Variants in SNX4 observed in about 807,000 individuals in gnomAD.
The protein encoded by SNX4 is sorting nexin 4.
Under a neutral mutation model 70.8 loss-of-function variants are expected in SNX4, and 49 were observed. The ratio of observed to expected loss-of-function variants is 0.69; its 90% confidence interval spans 0.55 to 0.88. The LOEUF is 0.88. Ranked by LOEUF, SNX4 falls within the 40% of genes least tolerant of loss-of-function variation. The pLI, the probability that SNX4 is intolerant of heterozygous loss-of-function variation, is 0.00. For synonymous variants in SNX4, 206 were observed against 183.8 expected, an observed-to-expected ratio of 1.12 and a Z score of -0.98; for missense variants, 528 against 544.8, an observed-to-expected ratio of 0.97 and a Z score of 0.31.
chr3:125,494,369 G>C (rs1189759270), intron 5 of SNX4, among the ~76,000 whole-genome samples: 1 of 152,048 alleles, frequency 6.6e-6, no homozygotes, highest in African/African-American at 2.4e-5. Flanking sequence ...GTAATTATGT[G>C]ACCTTGGCTA....
At chr3:125,458,633 G>A (rs1343664420) in intron 10 of SNX4, among the ~76,000 whole-genome samples, 1 of 150,326 alleles carries the variant, frequency 6.7e-6, no homozygotes, top group Non-Finnish European at 1.5e-5. Context: ...TGGCTAACAC[G>A]GTGAAACCCC....
Position 125,491,340 on chromosome 3 carries a change from A to G in SNX4, c.598-1877T>C, listed in dbSNP as rs1016399706. The stretch of plus-strand genomic sequence containing the variant: ...TGACTTCAGTCACATGCAAAATGTG[A>G]TTCTTTAAATGAGGATGAAACTACA... On this transcript the variant is annotated intron_variant, in intron 5 of 13. Coordinates refer to ENST00000251775, the MANE Select transcript of SNX4 (RefSeq NM_003794.4). 1.4e-4 allele frequency among the ~76,000 whole-genome samples: 21 copies of G among 152,356 alleles called. No individual in the cohort carries two copies. In the Middle Eastern group the frequency reaches 0.01, roughly 74 times the overall value.
At chr3:125,495,250 T>TTTTTTATATATATATATATATATATATA (rs869243473) in intron 5 of SNX4, among the ~76,000 whole-genome samples, 7 of 38,164 alleles carry the variant, frequency 1.8e-4, no homozygotes, top group Non-Finnish European at 3.7e-4. Flanking sequence ...CATTCTCTCT[T>TTTTTTATATATATATATATATATATATA]TATATATATA....
chr3:125,478,047 C>CTT (rs1553726341), intron 7 of SNX4, among the ~76,000 whole-genome samples: 2 of 147,712 alleles, frequency 1.4e-5, no homozygotes, highest in Middle Eastern at 3.5e-3. Context: ...TCCTCCTCCT[C>CTT]CTTCTTCTTC....
At chr3:125,458,645 T>A (rs1327430931) in intron 10 of SNX4, among the ~76,000 whole-genome samples, 1 of 148,294 alleles carries the variant, frequency 6.7e-6, no homozygotes, top group Non-Finnish European at 1.5e-5. Context: ...TGAAACCCCG[T>A]CTCTACTAAA....
At chr3:125,519,784 A>G in intron 1 of SNX4, among the ~76,000 whole-genome samples, 1 of 150,710 alleles carries the variant, frequency 6.6e-6, no homozygotes, top group Admixed American at 6.6e-5. Context: ...TCCCCTTCGC[A>G]GTCTCGACAC....
intron 1 of SNX4, among the ~76,000 whole-genome samples, chr3:125,518,961 C>G (rs994072547): frequency 1.3e-5 from 2 of 151,646 alleles, no homozygotes; most frequent in African/African-American, 4.8e-5. Context: ...TGCAGTGAGC[C>G]GAGATCGTGC....
At chr3:125,495,261 T>TAC (rs1934761225) in intron 5 of SNX4, among the ~76,000 whole-genome samples, 1 of 63,016 alleles carries the variant, frequency 1.6e-5, no homozygotes, top group Non-Finnish European at 3.3e-5. Context: ...TATATATATA[T>TAC]ATATATATAT....
intron 9 of SNX4, among the ~76,000 whole-genome samples, chr3:125,464,564 C>CTTTTTTTTTTTTTTTTT (rs778518316): frequency 1.5e-5 from 1 of 67,054 alleles, no homozygotes; most frequent in Non-Finnish European, 2.6e-5. Flanking sequence ...ATTTATCTTT[C>CTTTTTTTTTTTTTTTTT]TTTTTTTTTT....
intron 4 of SNX4, 102 bp downstream of exon 4, chr3:125,497,732 A>G: frequency 1.3e-6 from 1 of 780,522 alleles, no homozygotes; most frequent in South Asian, 2.2e-5. Context: ...AATAAATTGC[A>G]TATAAATTAA....
chr3:125,514,634 C>T (rs1370634041), intron 1 of SNX4, among the ~76,000 whole-genome samples: 3 of 152,138 alleles, frequency 2.0e-5, no homozygotes, highest in East Asian at 1.9e-4. Context: ...TCAGGTGATC[C>T]GCCTGCCTCA....
At chr3:125,512,406 A>T (rs999783319) in intron 1 of SNX4, among the ~76,000 whole-genome samples, 1 of 152,212 alleles carries the variant, frequency 6.6e-6, no homozygotes, top group Non-Finnish European at 1.5e-5. Context: ...AGGAAAAAAG[A>T]TAAAAGCATA....
At chr3:125,508,411 C>A (rs1396978437) in intron 1 of SNX4, among the ~76,000 whole-genome samples, 1 of 151,900 alleles carries the variant, frequency 6.6e-6, no homozygotes, top group Non-Finnish European at 1.5e-5. Context: ...ACTAAAAATA[C>A]ACAAAATTAG....
intron 6 of SNX4, among the ~76,000 whole-genome samples, chr3:125,483,384 G>C (rs4679172): frequency 0.31 from 47,639 of 151,842 alleles, 7,635 homozygotes; most frequent in Admixed American, 0.36. Context: ...CTCCAGAACT[G>C]ATTAGGTCCC....
intron 1 of SNX4, among the ~76,000 whole-genome samples, chr3:125,510,052 G>A (rs997345234): frequency 6.6e-6 from 1 of 152,104 alleles, no homozygotes; most frequent in African/African-American, 2.4e-5. Context: ...GTACAGTGGT[G>A]CCTCAAAAAA....
At chr3:125,479,083 T>C (rs1579989940) in intron 7 of SNX4, among the ~76,000 whole-genome samples, 1 of 152,198 alleles carries the variant, frequency 6.6e-6, no homozygotes, top group Middle Eastern at 3.2e-3. Flanking sequence ...TGTACTGTCA[T>C]GGAAATCTTG....
At chr3:125,465,409 C>A (rs1273591379) in intron 9 of SNX4, among the ~76,000 whole-genome samples, 1 of 151,598 alleles carries the variant, frequency 6.6e-6, no homozygotes, top group East Asian at 2.0e-4. Context: ...CCACACCTGG[C>A]TAATTTATTT....
chr3:125,474,848 C>CCA (rs1553726155), intron 8 of SNX4, among the ~76,000 whole-genome samples: 1 of 151,928 alleles, frequency 6.6e-6, no homozygotes, highest in Admixed American at 6.6e-5. Flanking sequence ...AATTCCCCCC[C>CCA]ACATGTCTCC....
intron 7 of SNX4, among the ~76,000 whole-genome samples, chr3:125,479,881 C>T (rs1934370856): frequency 6.6e-6 from 1 of 152,112 alleles, no homozygotes; most frequent in Non-Finnish European, 1.5e-5. Context: ...AGAGCACAGA[C>T]ACAGGATGGC....
Sources: allele counts gnomAD v4.1 joint callset (sites outside exome capture counted in the v4.1 genomes callset), GRCh38; gene constraint gnomAD v4.1.1; transcripts MANE v1.5; gene names NCBI Gene and HGNC (gene_info 2026-07-23, HGNC 2026-07-21).